Variants in CRTC3 observed in about 807,000 individuals in gnomAD.
CRTC3 encodes CREB regulated transcription coactivator 3.
Under a neutral mutation model 74.5 loss-of-function variants are expected in CRTC3, and 26 were observed. The observed-to-expected ratio is 0.35, with a 90% CI of 0.26 to 0.48. The LOEUF (loss-of-function observed/expected upper bound fraction) is 0.48, where lower values mean the gene tolerates loss of function less well. CRTC3 is among the 20% of genes least tolerant of loss of function. CRTC3 has a pLI of 0.99. For missense variants in CRTC3, 760 were observed against 787.3 expected, an observed-to-expected ratio of 0.97 and a Z score of 0.41; for synonymous variants, 377 against 325.8, an observed-to-expected ratio of 1.16 and a Z score of -1.69.
At chr15:90,550,457 T>TTTC (rs1555446842) in intron 2 of CRTC3, among the ~76,000 whole-genome samples, 2 of 151,368 alleles carry the variant, frequency 1.3e-5, no homozygotes, top group African/African-American at 4.9e-5. Flanking sequence ...TGTTTTTTTT[T>TTTC]TTTTGAGTCT....
intron 10 of CRTC3, 28 bp downstream of exon 10, chr15:90,626,021 T>C: frequency 6.3e-7 from 1 of 1,586,586 alleles, no homozygotes; most frequent in East Asian, 2.2e-5. Context: ...AGCAGTGACC[T>C]GGTGGCTTAA....
intron 2 of CRTC3, among the ~76,000 whole-genome samples, chr15:90,545,871 CCT>C (rs1966843534): frequency 1.3e-5 from 2 of 152,200 alleles, no homozygotes; most frequent in African/African-American, 4.8e-5. Flanking sequence ...AGCCACTGCG[CCT>C]GGCCTTGTCT....
chr15:90,618,166 G>T, intron 8 of CRTC3, 198 bp downstream of exon 8: 5 of 302,460 alleles, frequency 1.7e-5, no homozygotes, highest in East Asian at 1.1e-4. Context: ...TTAGCACATT[G>T]ATCTCTTGGC....
At chr15:90,617,065 TA>T (rs1186540301) in intron 7 of CRTC3, among the ~76,000 whole-genome samples, 1 of 152,144 alleles carries the variant, frequency 6.6e-6, no homozygotes, top group East Asian at 1.9e-4. Context: ...GTCTACATTT[TA>T]CTTCCTACCA....
At chr15:90,615,146 C>T (rs8031539) in intron 7 of CRTC3, among the ~76,000 whole-genome samples, 1,823 of 152,180 alleles carry the variant, frequency 0.012, 42 homozygotes, top group African/African-American at 0.042. Flanking sequence ...CCATTTAGAA[C>T]GTCTTCGTTG....
Position 90,643,945 on chromosome 15 carries a change from C to T in CRTC3, c.*1805C>T, listed in dbSNP as rs1453457020. 4.3e-6 allele frequency: 1 copy of T among 232,692 alleles called. No homozygotes were observed. The highest frequency in any genetic ancestry group is 8.5e-6 in the Non-Finnish European group (1 of 117,790). 14.4% of individuals were successfully genotyped at this position (232,692 alleles called of 1,614,324 possible). A position where few individuals can be genotyped will look rare whatever the true frequency, so the allele number is the denominator to read the frequency against. On this transcript the variant is annotated 3_prime_UTR_variant, in exon 15 of 15. Transcript: ENST00000268184. ...TCCCTTATGTAAAAGGAGTCGTGGT[C>T]ACAAGACCCTGGGCTGGTTAGCCTC...
At chr15:90,628,464 A>G (rs985225328) in intron 10 of CRTC3, among the ~76,000 whole-genome samples, 11 of 152,276 alleles carry the variant, frequency 7.2e-5, no homozygotes, top group Admixed American at 6.5e-4. Flanking sequence ...AACCTGCTCC[A>G]TGCCAGGCCC....
chr15:90,636,770 A>G (rs956314019), intron 11 of CRTC3, among the ~76,000 whole-genome samples: 2 of 152,286 alleles, frequency 1.3e-5, no homozygotes, highest in African/African-American at 4.8e-5. Context: ...CTTCAAAAGA[A>G]GACATTTATG....
chr15:90,561,585 C>T (rs1407143159), intron 2 of CRTC3, among the ~76,000 whole-genome samples: 1 of 152,136 alleles, frequency 6.6e-6, no homozygotes, highest in Non-Finnish European at 1.5e-5. Context: ...TATATTCCCT[C>T]GCATTTTGAA....
intron 2 of CRTC3, among the ~76,000 whole-genome samples, chr15:90,545,836 C>T (rs949417707): frequency 2.6e-5 from 4 of 152,178 alleles, no homozygotes; most frequent in Non-Finnish European, 4.4e-5. Flanking sequence ...CCTTGGCCTC[C>T]CAAAGTGCTG....
intron 2 of CRTC3, among the ~76,000 whole-genome samples, chr15:90,541,684 A>G (rs769899155): frequency 5.3e-5 from 8 of 150,520 alleles, no homozygotes; most frequent in Non-Finnish European, 1.0e-4. Flanking sequence ...GTGCTACTTT[A>G]TTGTCAACTT....
chr15:90,571,650 T>C (rs1488481077), intron 2 of CRTC3, among the ~76,000 whole-genome samples: 1 of 152,198 alleles, frequency 6.6e-6, no homozygotes, highest in Non-Finnish European at 1.5e-5. Flanking sequence ...TTGTAGAAAC[T>C]CAAATAATAT....
chr15:90,590,011 C>T (rs1015915335), intron 2 of CRTC3, among the ~76,000 whole-genome samples: 1 of 151,840 alleles, frequency 6.6e-6, no homozygotes, highest in African/African-American at 2.4e-5. Context: ...AGTAAATAGG[C>T]TGGGTGCAGT....
intron 1 of CRTC3, among the ~76,000 whole-genome samples, chr15:90,535,601 C>A (rs1966706454): frequency 6.6e-6 from 1 of 152,022 alleles, no homozygotes; most frequent in Non-Finnish European, 1.5e-5. Context: ...AGCATATCAC[C>A]CTGGAGTGTT....
chr15:90,562,789 A>G (rs116400607), intron 2 of CRTC3, among the ~76,000 whole-genome samples: 1 of 152,170 alleles, frequency 6.6e-6, no homozygotes, highest in African/African-American at 2.4e-5. Flanking sequence ...GTTGGGAGGC[A>G]ACAGCCTGGA....
At chr15:90,623,772 G>A (rs919221086) in intron 9 of CRTC3, among the ~76,000 whole-genome samples, 2 of 151,802 alleles carry the variant, frequency 1.3e-5, no homozygotes, top group African/African-American at 4.8e-5. Flanking sequence ...TCCCAGCCTC[G>A]GGTGCTCTCT....
At chr15:90,621,856 C>A (rs1231843723) in intron 9 of CRTC3, among the ~76,000 whole-genome samples, 2 of 152,146 alleles carry the variant, frequency 1.3e-5, no homozygotes, top group Non-Finnish European at 2.9e-5. Context: ...TATTTATTGA[C>A]CCCCTAATTC....
chr15:90,629,828 T>C (rs1182297487), intron 11 of CRTC3, among the ~76,000 whole-genome samples: 7 of 152,156 alleles, frequency 4.6e-5, no homozygotes, highest in Admixed American at 1.3e-4. Context: ...GCTCAAGCGA[T>C]CTTCTCACCT....
At chr15:90,541,400 A>G (rs3862437) in intron 2 of CRTC3, among the ~76,000 whole-genome samples, 66,670 of 151,954 alleles carry the variant, frequency 0.44, 16,058 homozygotes, top group Non-Finnish European at 0.55. Context: ...GAGTGCTGAT[A>G]GGAACTCCAA....
Sources: allele counts gnomAD v4.1 joint callset (sites outside exome capture counted in the v4.1 genomes callset), GRCh38; gene constraint gnomAD v4.1.1; transcripts MANE v1.5; gene names NCBI Gene and HGNC (gene_info 2026-07-23, HGNC 2026-07-21).